SCN3A: variants seen among roughly 807,000 people sequenced by gnomAD.
The protein encoded by SCN3A is sodium voltage-gated channel alpha subunit 3.
Under a neutral mutation model 187.6 loss-of-function variants are expected in SCN3A, and 60 were observed. The ratio of observed to expected loss-of-function variants is 0.32; its 90% CI spans 0.26 to 0.40. The LOEUF (loss-of-function observed/expected upper bound fraction) is 0.40, where lower values mean the gene tolerates loss of function less well. Among genes scored for constraint, SCN3A ranks in the 10% least tolerant of loss-of-function variants. SCN3A has a pLI of 1.00. For synonymous variants in SCN3A, 788 were observed against 829.2 expected (o/e 0.95, Z 0.85); for missense variants, 1,601 against 2,428.2 (o/e 0.66, Z 7.16).
intron 1 of SCN3A, among the ~76,000 whole-genome samples, chr2:165,187,898 G>A (rs866727479): frequency 6.6e-6 from 1 of 152,190 alleles, no homozygotes; most frequent in Non-Finnish European, 1.5e-5. Context: ...ATAAATGTTA[G>A]TTCCCTCTAC....
At chr2:165,097,849 A>C (rs1685431688) in intron 22 of SCN3A, among the ~76,000 whole-genome samples, 1 of 152,234 alleles carries the variant, frequency 6.6e-6, no homozygotes, top group Non-Finnish European at 1.5e-5. Flanking sequence ...CAACAGAAAA[A>C]ATAATCATCT....
intron 12 of SCN3A, among the ~76,000 whole-genome samples, chr2:165,145,730 G>T (rs1169645246): frequency 6.6e-6 from 1 of 151,340 alleles, no homozygotes; most frequent in Non-Finnish European, 1.5e-5. Flanking sequence ...CATACCCCTT[G>T]GTTGATTTGC....
At chr2:165,111,290 G>T (rs1050735582) in intron 21 of SCN3A, among the ~76,000 whole-genome samples, 1 of 152,022 alleles carries the variant, frequency 6.6e-6, no homozygotes, top group East Asian at 1.9e-4. Flanking sequence ...AGCCAAGATC[G>T]CACCATTGCA....
intron 15 of SCN3A, among the ~76,000 whole-genome samples, chr2:165,133,524 T>G (rs1574176899): frequency 1.3e-5 from 2 of 151,936 alleles, no homozygotes; most frequent in East Asian, 3.9e-4. Flanking sequence ...CTAATTTCTG[T>G]AGAGACAGGG....
chr2:165,098,437 C>A (rs992436561), intron 22 of SCN3A, among the ~76,000 whole-genome samples: 1 of 152,222 alleles, frequency 6.6e-6, no homozygotes, highest in South Asian at 2.1e-4. Context: ...AACCAGAAAT[C>A]CAAAATTGTA....
intron 15 of SCN3A, 63 bp downstream of exon 15, chr2:165,137,816 T>A: frequency 7.1e-6 from 9 of 1,262,514 alleles, no homozygotes; most frequent in Non-Finnish European, 9.3e-6. Context: ...AAATACATCT[T>A]TCCCTTTGGT....
chr2:165,162,876 A>T, intron 7 of SCN3A, 48 bp from the exon 8 acceptor site: 1 of 1,602,534 alleles, frequency 6.2e-7, no homozygotes, highest in Non-Finnish European at 8.5e-7. Flanking sequence ...GCCAGAAATC[A>T]TGATTTCTTA....
intron 18 of SCN3A, 50 bp downstream of exon 18, chr2:165,127,581 G>C (rs138684980): frequency 2.9e-6 from 4 of 1,401,106 alleles, no homozygotes; most frequent in Non-Finnish European, 4.0e-6. Flanking sequence ...AATAACTGTA[G>C]TACATGGTTA....
intron 1 of SCN3A, among the ~76,000 whole-genome samples, chr2:165,197,295 T>C (rs549310734): frequency 1.0e-3 from 156 of 152,276 alleles, no homozygotes; most frequent in African/African-American, 3.6e-3. Context: ...CAAGTTTTCA[T>C]TGGCTTCTGT....
rs534383814 is a variant in SCN3A, at chr2:165,089,737, A to C, written c.*413T>G. 1.2e-5 allele frequency: 2 copies of C among 172,560 alleles called. No homozygotes were observed. Among genetic ancestry groups the C allele is most frequent in the Admixed American group, 5.5e-5 (1 of 18,020 alleles). The allele number at this position is 172,560 out of a possible 1,614,324, so 10.7% of individuals were successfully genotyped here. A position where few individuals can be genotyped will look rare whatever the true frequency, so the allele number is the denominator to read the frequency against. On this transcript the variant is annotated 3_prime_UTR_variant, in exon 28 of 28. Transcript: ENST00000283254. ...TTTACAAAAATAGTGACATAGCATT[A>C]TGAATAAACTATGAATTGGGGACCA...
intron 2 of SCN3A, among the ~76,000 whole-genome samples, chr2:165,182,456 AG>A (rs1690939746): frequency 6.6e-6 from 1 of 152,194 alleles, no homozygotes; most frequent in South Asian, 2.1e-4. Flanking sequence ...ATGAACCTAA[AG>A]GGTGAGCACA....
Position 165,127,913 on chromosome 2 carries a change from T to A in SCN3A, c.3111A>T (p.Ile1037=), listed in dbSNP as rs1559207680. 6.2e-7 allele frequency: 1 copy of A among 1,614,166 alleles called. No individual in the cohort carries two copies. The highest frequency in any genetic ancestry group is 1.3e-5 in the African/African-American group (1 of 75,058). ...CTATCTTATTGCCTTCATGGATTTC[T>A]ATAACTTTTGGCTTTCTAAAAAAGG... ...QKAFFRKPKV[I]EIHEGNKIDS... The change falls in exon 18 of 28, where the codon ATA becomes ATT. Residue 1037 remains isoleucine, a synonymous_variant. Transcript: ENST00000283254.
intron 7 of SCN3A, among the ~76,000 whole-genome samples, chr2:165,163,212 A>G (rs911836570): frequency 1.4e-5 from 2 of 142,656 alleles, no homozygotes; most frequent in African/African-American, 5.5e-5. Flanking sequence ...GAATTTTAAA[A>G]TAATGTAAGT....
At chr2:165,112,799 G>A in intron 21 of SCN3A, 86 bp downstream of exon 21, 1 of 1,168,078 alleles carries the variant, frequency 8.6e-7, no homozygotes, top group Non-Finnish European at 1.3e-6. Context: ...GTCATTATTA[G>A]TGAAAGTTTT....
chr2:165,106,931 C>T lies in SCN3A; in HGVS notation c.3843+5954G>A, dbSNP rs186441486. ...GTGTTGATGTGCTGAAGAGGAGGGG[C>T]GAGACTGTCCACTCATTTATTAGTC... On this transcript the variant is annotated intron_variant, in intron 21 of 27. Coordinates refer to ENST00000283254, the MANE Select transcript of SCN3A (RefSeq NM_006922.4). Among the ~76,000 whole-genome samples the T allele has an allele frequency of 3.0e-4, 45 of 152,118 alleles. No individual in the cohort carries two copies. The East Asian group carries it at 7.3e-3, about 25-fold the overall frequency.
chr2:165,152,103 C>A (rs960606190), intron 11 of SCN3A, among the ~76,000 whole-genome samples: 1 of 152,042 alleles, frequency 6.6e-6, no homozygotes, highest in Admixed American at 6.5e-5. Flanking sequence ...ACAAAAATAT[C>A]CAGCACTTAA....
intron 18 of SCN3A, among the ~76,000 whole-genome samples, chr2:165,125,852 A>T (rs1017733095): frequency 5.3e-5 from 8 of 152,322 alleles, no homozygotes; most frequent in Non-Finnish European, 8.8e-5. Context: ...TTGAATTCTT[A>T]GTTTGTCAGA....
rs375276437 is a variant in SCN3A at position 165,140,829 on chromosome 2, G to A, written c.1841C>T (p.Pro614Leu). ...GTTGCGTCGCTCTCCATGTCTGTGCGGCACAAACAGTGAGTCTCTCCTGCT... is the reference window on the plus strand; with the variant it reads ...GTTGCGTCGCTCTCCATGTCTGTGCAGCACAAACAGTGAGTCTCTCCTGCT... Reference protein sequence around the residue: ...SESRRDSLFVPHRHGERRNSN... With the variant: ...SESRRDSLFVLHRHGERRNSN... Residue 614 changes from proline (P) to leucine (L), a missense_variant, in exon 13 of 28, where the codon CCG becomes CTG. By Grantham distance (98) the Pro-to-Leu change is moderately conservative. Transcript: ENST00000283254. The surrounding 1 kb of genome is among the most constrained non-coding windows in gnomAD (Gnocchi z 4.2). The A allele has an allele frequency of 6.9e-5, 111 of 1,613,940 alleles. No individual in the cohort carries two copies. The highest frequency in any genetic ancestry group is 8.9e-5 in the Non-Finnish European group (105 of 1,180,008).
intron 12 of SCN3A, among the ~76,000 whole-genome samples, chr2:165,145,079 C>G (rs1688238058): frequency 6.6e-6 from 1 of 152,088 alleles, no homozygotes; most frequent in Admixed American, 6.6e-5. Context: ...CACAGATTTT[C>G]TATATATTGC....
Sources: allele counts gnomAD v4.1 joint callset (sites outside exome capture counted in the v4.1 genomes callset), GRCh38; gene constraint gnomAD v4.1.1; non-coding constraint Gnocchi (gnomAD v3.1); transcripts MANE v1.5; gene names NCBI Gene and HGNC (gene_info 2026-07-23, HGNC 2026-07-21).